The following TECPR2 variants were observed in gnomAD, a reference collection of about 807,000 sequenced individuals.
The protein encoded by TECPR2 is tectonin beta-propeller repeat containing 2, also known as tectonin beta-propeller repeat-containing protein 2.
TECPR2 carries 65 observed loss-of-function variants against 138.1 expected under a neutral mutation model. That is an observed-to-expected ratio of 0.47 (90% confidence interval 0.39 to 0.58). TECPR2 has a LOEUF of 0.58. TECPR2 is among the 20% of genes least tolerant of loss of function. TECPR2 has a pLI of 0.00. For missense variants in TECPR2, 1,553 were observed against 1,824.5 expected (o/e 0.85, Z 2.71); for synonymous variants, 746 against 749.8 (o/e 0.99, Z 0.08).
chr14:102,383,042 G>A (rs1244448831), intron 2 of TECPR2, among the ~76,000 whole-genome samples: 1 of 152,182 alleles, frequency 6.6e-6, no homozygotes, highest in African/African-American at 2.4e-5. Context: ...ACAGGCGTGA[G>A]CCACTGTGCC....
At chr14:102,401,826 AAGAG>A (rs963700870) in intron 2 of TECPR2, among the ~76,000 whole-genome samples, 2 of 151,266 alleles carry the variant, frequency 1.3e-5, no homozygotes, top group African/African-American at 2.4e-5. Context: ...AAAAAAAAAA[AAGAG>A]AGACTCACTT....
At chr14:102,397,430 T>G (rs561051586) in intron 2 of TECPR2, among the ~76,000 whole-genome samples, 1 of 151,972 alleles carries the variant, frequency 6.6e-6, no homozygotes, top group African/African-American at 2.4e-5. Context: ...AAAACAACTG[T>G]CTTAAAGATA....
intron 16 of TECPR2, among the ~76,000 whole-genome samples, chr14:102,461,826 A>G (rs1890418552): frequency 6.6e-6 from 1 of 152,112 alleles, no homozygotes; most frequent in Non-Finnish European, 1.5e-5. Context: ...AATGTGAGGG[A>G]GCCATGGAGT....
chr14:102,370,737 C>T (rs1172218223), intron 1 of TECPR2, among the ~76,000 whole-genome samples: 1 of 152,134 alleles, frequency 6.6e-6, no homozygotes, highest in Non-Finnish European at 1.5e-5. Context: ...CTGTTTGCCA[C>T]GTGGATGACG....
chr14:102,439,863 TTCCTCTCTCCTC>T (rs1889782878), intron 10 of TECPR2, among the ~76,000 whole-genome samples: 1 of 152,176 alleles, frequency 6.6e-6, no homozygotes, highest in East Asian at 1.9e-4. Context: ...TGCCTTCCCT[TTCCTCTCTCCTC>T]CTCCATCTCT....
intron 16 of TECPR2, among the ~76,000 whole-genome samples, chr14:102,457,551 G>A (rs1890305180): frequency 6.6e-6 from 1 of 152,154 alleles, no homozygotes; most frequent in Non-Finnish European, 1.5e-5. Context: ...CATGGCTGCT[G>A]CCTGTGTTAC....
chr14:102,487,205 A>G (rs1255905282), intron 17 of TECPR2, among the ~76,000 whole-genome samples: 1 of 152,190 alleles, frequency 6.6e-6, no homozygotes, highest in African/African-American at 2.4e-5. Context: ...TTGGGTTAGG[A>G]TTATTTCCAG....
At chr14:102,386,997 CA>C (rs1164912666) in intron 2 of TECPR2, among the ~76,000 whole-genome samples, 1 of 152,066 alleles carries the variant, frequency 6.6e-6, no homozygotes, top group Admixed American at 6.6e-5. Flanking sequence ...CTGTGGATTT[CA>C]AGGATATGGA....
Position 102,408,515 on chromosome 14 carries a change from C to T in TECPR2, c.376C>T (p.His126Tyr). Residue 126 changes from histidine to tyrosine, a missense_variant, in exon 4 of 20, where the codon CAC becomes TAC. Coordinates refer to ENST00000359520, the MANE Select transcript of TECPR2 (RefSeq NM_014844.5). ...QLRRFDVTGI[H>Y]KNSITALAWS... ...TCGGAGATTTGATGTCACTGGTATT[C>T]ACAAAAATAGCATTACAGCTCTGGC... 6.2e-7 allele frequency: 1 copy of T among 1,608,290 alleles called. No individual in the cohort carries two copies. The highest frequency in any genetic ancestry group is 8.5e-7 in the Non-Finnish European group (1 of 1,178,386).
Position 102,438,268 on chromosome 14 carries a change from C to G in TECPR2, c.2578+63C>G, listed in dbSNP as rs1224165367. On this transcript the variant is annotated intron_variant, in intron 10 of 19. Transcript: ENST00000359520. ...CGCTCGCCGCTCCTGCTCCCCGCCC[C>G]CGGGGTGCAGACATCTTAGTACAGG... 3.9e-6 allele frequency: 6 copies of G among 1,537,020 alleles called. No homozygotes were observed. The South Asian group carries it at 4.9e-5, about 13-fold the overall frequency.
chr14:102,454,067 C>T (rs906820237), intron 16 of TECPR2, among the ~76,000 whole-genome samples: 1 of 151,674 alleles, frequency 6.6e-6, no homozygotes, highest in Non-Finnish European at 1.5e-5. Context: ...GCACGAGAAT[C>T]ACTTGAACTT....
Position 102,499,349 on chromosome 14 carries a change from ATACCTCAT to A in TECPR2, c.*1094_*1101del. 1 of 601,442 alleles carries A rather than the reference ATACCTCAT, an allele frequency of 1.7e-6. No individual in the cohort carries two copies. The highest frequency in any genetic ancestry group is 3.0e-6 in the Non-Finnish European group (1 of 335,260). 37.3% of individuals were successfully genotyped at this position (601,442 alleles called of 1,614,324 possible). On this transcript the variant is annotated 3_prime_UTR_variant, in exon 20 of 20. Coordinates refer to ENST00000359520, the MANE Select transcript of TECPR2 (RefSeq NM_014844.5). ...TTGTTGTATTACAAATCTGCATAAAATACCTCATTTCAAATCAAATCTTACAAATTTAG... is the reference window on the plus strand; with the variant it reads ...TTGTTGTATTACAAATCTGCATAAAATTCAAATCAAATCTTACAAATTTAG...
Position 102,412,951 on chromosome 14 carries a change from C to T in TECPR2, c.481-1685C>T, listed in dbSNP as rs890348300. On this transcript the variant is annotated intron_variant, in intron 4 of 19. Coordinates refer to ENST00000359520, the MANE Select transcript of TECPR2 (RefSeq NM_014844.5). Reference sequence around the variant, plus strand: ...TTCTACCAAAAAACATAAAAATTAGCCAGGTATGGTGATGCACACCTGTAA... The same window carrying T: ...TTCTACCAAAAAACATAAAAATTAGTCAGGTATGGTGATGCACACCTGTAA... Among the ~76,000 whole-genome samples, 3 of 152,024 alleles carry T rather than the reference C, an allele frequency of 2.0e-5. No homozygotes were observed. In the South Asian group the frequency reaches 6.2e-4, roughly 32 times the overall value.
At chr14:102,450,425 T>A in intron 14 of TECPR2, 135 bp from the exon 15 acceptor site, 2 of 791,286 alleles carry the variant, frequency 2.5e-6, no homozygotes, top group South Asian at 3.4e-5. Flanking sequence ...ATTGCTCATG[T>A]CGCTTTATTT....
chr14:102,376,822 T>C lies in TECPR2; in HGVS notation c.101T>C (p.Ile34Thr). Reference sequence around the variant, plus strand: ...AAGATCCAGAAGGGTTTCCGCTCTATCGTGGTCTATCTCACGGCCCTCGAC... The same window carrying C: ...AAGATCCAGAAGGGTTTCCGCTCTACCGTGGTCTATCTCACGGCCCTCGAC... ...PTKIQKGFRS[I>T]VVYLTALDTN... The change falls in exon 2 of 20, where the codon ATC becomes ACC. Residue 34 changes from isoleucine (I) to threonine (T), a missense_variant. Ile to Thr is a moderately conservative substitution (Grantham distance 89). Transcript: ENST00000359520. 6.2e-7 allele frequency: 1 copy of C among 1,614,192 alleles called. No homozygotes were observed. Among genetic ancestry groups the C allele is most frequent in the Non-Finnish European group, 8.5e-7 (1 of 1,180,032 alleles).
chr14:102,481,011 ATTTT>A (rs564316192), intron 17 of TECPR2, among the ~76,000 whole-genome samples: 1 of 128,848 alleles, frequency 7.8e-6, no homozygotes. Context: ...CGCCTGGCTA[ATTTT>A]TTTTTTTTTT....
chr14:102,497,776 G>T, intron 19 of TECPR2, 57 bp downstream of exon 19: 1 of 1,510,736 alleles, frequency 6.6e-7, no homozygotes, highest in Non-Finnish European at 8.9e-7. Context: ...GGCTCCTGTG[G>T]ACGATGTCGG....
chr14:102,477,588 T>C (rs1890791867), intron 17 of TECPR2, among the ~76,000 whole-genome samples: 1 of 147,600 alleles, frequency 6.8e-6, no homozygotes, highest in Non-Finnish European at 1.5e-5. Flanking sequence ...TCTTGCTCTG[T>C]AGCCCAGACT....
intron 2 of TECPR2, among the ~76,000 whole-genome samples, chr14:102,388,624 C>T (rs200670421): frequency 1.3e-5 from 2 of 151,280 alleles, no homozygotes; most frequent in East Asian, 3.9e-4. Flanking sequence ...GTCAGGAGAT[C>T]GAGACCATCC....
Sources: allele counts gnomAD v4.1 joint callset (sites outside exome capture counted in the v4.1 genomes callset), GRCh38; gene constraint gnomAD v4.1.1; transcripts MANE v1.5; gene names NCBI Gene and HGNC (gene_info 2026-07-23, HGNC 2026-07-21).